The following PELP1 variants were observed in gnomAD, a reference collection of about 807,000 sequenced individuals.
The protein encoded by PELP1 is proline-, glutamic acid- and leucine-rich protein 1.
Under a neutral mutation model 95.5 loss-of-function variants are expected in PELP1, and 32 were observed. The ratio of observed to expected loss-of-function variants is 0.34; its 90% CI spans 0.25 to 0.45. The LOEUF is 0.45. Among genes scored for constraint, PELP1 ranks in the 20% least tolerant of loss-of-function variants. The pLI, the probability that PELP1 is intolerant of heterozygous loss-of-function variation, is 1.00. For synonymous variants in PELP1, 668 were observed against 600.1 expected, an observed-to-expected ratio of 1.11 and a Z score of -1.65; for missense variants, 1,358 against 1,444.8, an observed-to-expected ratio of 0.94 and a Z score of 0.97.
chr17:4,677,400 G>A (rs1912525624), intron 5 of PELP1, among the ~76,000 whole-genome samples: 1 of 152,076 alleles, frequency 6.6e-6, no homozygotes, highest in Non-Finnish European at 1.5e-5. Context: ...GATCATGGAT[G>A]GGGAAAAAAA....
chr17:4,703,939 G>A lies in PELP1; in HGVS notation c.173C>T (p.Pro58Leu), dbSNP rs1597461342. Residue 58 changes from proline to leucine, a missense_variant, in exon 1 of 17, where the codon CCC becomes CTC. Pro to Leu is a moderately conservative substitution (Grantham distance 98). Transcript: ENST00000572293. ...RTGSAVAPVH[P>L]PNRSAPHLPG... is the part of the protein sequence containing the mutation. ...CAAATGTGGGGCCGAGCGGTTTGGG[G>A]GATGCACCGGAGCAACGGCAGACCC... 11 of 1,613,504 alleles carry A rather than the reference G, an allele frequency of 6.8e-6. No homozygotes were observed. In the East Asian group the frequency reaches 2.2e-4, roughly 33 times the overall value.
Position 4,672,216 on chromosome 17 carries a change from TTCTTCC to T in PELP1, c.2769_2774del (p.Glu929_Glu930del). ...CTTCCTCAAACTCTTCTTCCTCCTCTTCTTCCTCTTCAAAATATTCCTCTTCATCCT... is the reference window on the plus strand; with the variant it reads ...CTTCCTCAAACTCTTCTTCCTCCTCTTCTTCAAAATATTCCTCTTCATCCT... On this transcript the variant is annotated inframe_deletion, in exon 16 of 17. Transcript: ENST00000572293. 6.4e-7 allele frequency: 1 copy of T among 1,552,568 alleles called. No homozygotes were observed.
intron 1 of PELP1, among the ~76,000 whole-genome samples, chr17:4,692,189 C>T (rs948227430): frequency 2.0e-5 from 3 of 152,122 alleles, no homozygotes; most frequent in Admixed American, 2.0e-4. Context: ...TTGACATGGC[C>T]GGGCGCAGTG....
chr17:4,683,413 G>T (rs578045841), intron 3 of PELP1, among the ~76,000 whole-genome samples: 14 of 151,732 alleles, frequency 9.2e-5, no homozygotes, highest in South Asian at 4.2e-4. Context: ...GTAGAGACGG[G>T]GTTTCACTAT....
intron 1 of PELP1, among the ~76,000 whole-genome samples, chr17:4,693,934 C>T (rs528399192): frequency 2.0e-5 from 3 of 152,260 alleles, no homozygotes; most frequent in African/African-American, 7.2e-5. Flanking sequence ...CAATGGCACC[C>T]GCCTGTAGTC....
At chr17:4,703,400 C>CT (rs1228674282) in intron 1 of PELP1, among the ~76,000 whole-genome samples, 2 of 152,184 alleles carry the variant, frequency 1.3e-5, no homozygotes, top group Admixed American at 1.3e-4. Flanking sequence ...CCCTGATATT[C>CT]AATTCTCATC....
intron 5 of PELP1, among the ~76,000 whole-genome samples, chr17:4,680,876 C>G (rs1399903341): frequency 6.6e-6 from 1 of 152,216 alleles, no homozygotes; most frequent in African/African-American, 2.4e-5. Context: ...ACGAATGGCC[C>G]TTTAACTGTG....
Position 4,704,024 on chromosome 17 carries a change from C to G in PELP1, c.88G>C (p.Gly30Arg). ...AGCAGCAGCAGGCGGAGCCGCGGGC[C>G]CGAGCTCACTGCCGAGAGACCCCCG... is the stretch of plus-strand genomic sequence containing the variant. ...GTGGLSAVSSGPRLRLLLLES... is the reference protein window; with the variant it reads ...GTGGLSAVSSRPRLRLLLLES... The change falls in exon 1 of 17, where the codon GGC becomes CGC. Residue 30 changes from glycine (G) to arginine (R), a missense_variant. Physicochemically the swap from Gly to Arg is moderately radical, Grantham distance 125. This residue lies in a region of PELP1 where 169 missense variants were observed against 134.9 expected (regional missense o/e 1.25). Coordinates refer to ENST00000572293, the MANE Select transcript of PELP1 (RefSeq NM_014389.3). The G allele has an allele frequency of 6.2e-7, 1 of 1,613,076 alleles. No individual in the cohort carries two copies. Among genetic ancestry groups the G allele is most frequent in the Non-Finnish European group, 8.5e-7 (1 of 1,179,716 alleles).
chr17:4,685,803 G>GAAAA (rs771811574), intron 3 of PELP1, among the ~76,000 whole-genome samples: 1 of 18,462 alleles, frequency 5.4e-5, no homozygotes, highest in African/African-American at 1.6e-4. Context: ...AAAAAAAAAA[G>GAAAA]AACAAAAAAA....
Position 4,672,210 on chromosome 17 carries a change from CTCCTCTTCTTCCTCTTCAAAATAT to C in PELP1, c.2757_2780del (p.Tyr920_Glu927del). 1 of 1,549,372 alleles carries C rather than the reference CTCCTCTTCTTCCTCTTCAAAATAT, an allele frequency of 6.5e-7. No homozygotes were observed. The highest frequency in any genetic ancestry group is 8.7e-7 in the Non-Finnish European group (1 of 1,145,378). On this transcript the variant is annotated inframe_deletion, in exon 16 of 17. Transcript: ENST00000572293. Reference sequence around the variant, plus strand: ...CAAATTCTTCCTCAAACTCTTCTTCCTCCTCTTCTTCCTCTTCAAAATATTCCTCTTCATCCTCTTCCTCTTCCT... The same window carrying C: ...CAAATTCTTCCTCAAACTCTTCTTCCTCCTCTTCATCCTCTTCCTCTTCCT...
chr17:4,679,852 C>G (rs546692733), intron 5 of PELP1, among the ~76,000 whole-genome samples: 32 of 152,330 alleles, frequency 2.1e-4, no homozygotes, highest in African/African-American at 7.5e-4. Flanking sequence ...CACAACCCCT[C>G]GCTCACTCAG....
chr17:4,698,224 A>G lies in PELP1; in HGVS notation c.249+5639T>C, dbSNP rs554985202. ...AGTTTAATTTGTCTGCTGTTTCCTC[A>G]TGATTAGATCCTAACCTGAGGGGCA... On this transcript the variant is annotated intron_variant, in intron 1 of 16. Coordinates refer to ENST00000572293, the MANE Select transcript of PELP1 (RefSeq NM_014389.3). 8.0e-4 allele frequency among the ~76,000 whole-genome samples: 122 copies of G among 152,214 alleles called. 1 individual carries two copies. The highest frequency in any genetic ancestry group is 2.9e-3 in the African/African-American group (121 of 41,536).
At chr17:4,684,524 C>T (rs1006313690) in intron 3 of PELP1, among the ~76,000 whole-genome samples, 25 of 152,294 alleles carry the variant, frequency 1.6e-4, no homozygotes, top group African/African-American at 5.3e-4. Context: ...TACCCAAAGA[C>T]AGTCCCTCCG....
At position 4,675,685 on chromosome 17, in the gene PELP1, C is replaced by G. The variant is rs1206035429; in HGVS notation, c.1068+112G>C. 1 of 794,500 alleles carries G rather than the reference C, an allele frequency of 1.3e-6. No homozygotes were observed. The highest frequency in any genetic ancestry group is 1.5e-5 in the South Asian group (1 of 68,298). 49.2% of individuals were successfully genotyped at this position (794,500 alleles called of 1,614,324 possible). A position where few individuals can be genotyped will look rare whatever the true frequency, so the allele number is the denominator to read the frequency against. ...GTTATTTGGACAAAAGTAGGAAGCT[C>G]TCTGGGACGACTCCAGGATGACACT... On this transcript the variant is annotated intron_variant, in intron 9 of 16. Coordinates refer to ENST00000572293, the MANE Select transcript of PELP1 (RefSeq NM_014389.3). The surrounding 1 kb of genome is among the most constrained non-coding windows in gnomAD (Gnocchi z 4.3).
intron 1 of PELP1, among the ~76,000 whole-genome samples, chr17:4,696,402 A>T (rs994012757): frequency 6.6e-6 from 1 of 152,226 alleles, no homozygotes; most frequent in Non-Finnish European, 1.5e-5. Context: ...AAGAACAACA[A>T]GGAGACAAAT....
intron 1 of PELP1, among the ~76,000 whole-genome samples, chr17:4,700,908 G>A (rs1440010360): frequency 2.4e-5 from 3 of 126,720 alleles, no homozygotes; most frequent in African/African-American, 2.9e-5. Context: ...TCCAGCCTGA[G>A]TTAGAGTAAG....
intron 13 of PELP1, among the ~76,000 whole-genome samples, chr17:4,674,109 G>C (rs978187582): frequency 2.0e-5 from 3 of 152,210 alleles, no homozygotes; most frequent in Admixed American, 6.5e-5. Context: ...TCACAGGGAG[G>C]AGCCTTCCCC....
chr17:4,673,167 A>G lies in PELP1; in HGVS notation c.1846-22T>C. On this transcript the variant is annotated intron_variant, in intron 15 of 16. Transcript: ENST00000572293. The surrounding 1 kb of genome is among the most constrained non-coding windows in gnomAD (Gnocchi z 5.7). ...AGACCTGAGGAAAGAAGAAAGGGCAAGTGTGAGCACCAGAAATACTGGGAG... is the reference window on the plus strand; with the variant it reads ...AGACCTGAGGAAAGAAGAAAGGGCAGGTGTGAGCACCAGAAATACTGGGAG... The G allele has an allele frequency of 6.6e-7, 1 of 1,513,866 alleles. No individual in the cohort carries two copies. The highest frequency in any genetic ancestry group is 8.9e-7 in the Non-Finnish European group (1 of 1,129,284). 93.8% of individuals were successfully genotyped at this position (1,513,866 alleles called of 1,614,324 possible).
intron 1 of PELP1, among the ~76,000 whole-genome samples, chr17:4,694,943 G>A (rs1260221414): frequency 1.3e-5 from 2 of 150,572 alleles, no homozygotes; most frequent in Non-Finnish European, 1.5e-5. Flanking sequence ...CGGGAGAATC[G>A]CTTGAACCCA....
Sources: allele counts gnomAD v4.1 joint callset (sites outside exome capture counted in the v4.1 genomes callset), GRCh38; gene constraint gnomAD v4.1.1; regional missense constraint gnomAD v4.1.1; non-coding constraint Gnocchi (gnomAD v3.1); transcripts MANE v1.5; gene names NCBI Gene and HGNC (gene_info 2026-07-23, HGNC 2026-07-21).